WDHD1: variants seen among roughly 807,000 people sequenced by gnomAD.
WDHD1 encodes the protein WD repeat and HMG-box DNA-binding protein 1.
Under a neutral mutation model 135.4 loss-of-function variants are expected in WDHD1, and 111 were observed. The ratio of observed to expected loss-of-function variants is 0.82; its 90% confidence interval spans 0.70 to 0.96. The LOEUF (loss-of-function observed/expected upper bound fraction) is 0.96. Ranked by LOEUF, WDHD1 falls within the 40% of genes least tolerant of loss-of-function variation. The pLI, the probability that WDHD1 is intolerant of heterozygous loss-of-function variation, is 0.00. For synonymous variants in WDHD1, 434 were observed against 439.0 expected (o/e 0.99, Z 0.14); for missense variants, 1,351 against 1,336.3 (o/e 1.01, Z -0.17).
chr14:54,957,042 G>C lies in WDHD1; in HGVS notation c.2908C>G (p.Pro970Ala), dbSNP rs762020548. Residue 970 changes from proline (P) to alanine (A), a missense_variant, in exon 23 of 26, where the codon CCT (proline) becomes GCT (alanine). Physicochemically the swap from Pro to Ala is conservative, Grantham distance 27. Transcript: ENST00000360586. ...GGTAGCTGAAACAGTACCTGCTTAGGCTTCGGCTTTGGAATCAGAGGCTTT... is the reference window on the plus strand; with the variant it reads ...GGTAGCTGAAACAGTACCTGCTTAGCCTTCGGCTTTGGAATCAGAGGCTTT... ...IIKPLIPKPK[P>A]KQASAASYFQ... 2 of 1,613,704 alleles carry C rather than the reference G, an allele frequency of 1.2e-6. No individual in the cohort carries two copies. The highest frequency in any genetic ancestry group is 1.7e-6 in the Non-Finnish European group (2 of 1,179,822).
intron 24 of WDHD1, among the ~76,000 whole-genome samples, chr14:54,952,662 C>T (rs1460616520): frequency 6.6e-6 from 1 of 152,012 alleles, no homozygotes. Context: ...CATATGGAAC[C>T]AAAAAAGAGC....
chr14:55,003,348 A>G (rs1193608991), intron 7 of WDHD1, among the ~76,000 whole-genome samples: 1 of 151,784 alleles, frequency 6.6e-6, no homozygotes, highest in Non-Finnish European at 1.5e-5. Flanking sequence ...TGTCTCTACA[A>G]AAAATAAAAA....
Position 54,966,502 on chromosome 14 carries a change from T to C in WDHD1, c.2283A>G (p.Gln761=). ...ESTKNQATKE[Q]QELLMKMLAL... The stretch of plus-strand genomic sequence containing the variant: ...CAAGCATTTTCATTAAAAGTTCCTG[T>C]TGCTCTTTTGTTGCTTGATTTTTAG... Residue 761 remains glutamine (Q), a synonymous_variant, in exon 18 of 26, where the codon CAA becomes CAG. Transcript: ENST00000360586. 6.2e-7 allele frequency: 1 copy of C among 1,603,624 alleles called. No homozygotes were observed. The highest frequency in any genetic ancestry group is 8.5e-7 in the Non-Finnish European group (1 of 1,177,888).
rs1038743817 is a variant in WDHD1, at chr14:54,991,024, A to G, written c.1341+189T>C. Among the ~76,000 whole-genome samples, 6 of 152,388 alleles carry G rather than the reference A, an allele frequency of 3.9e-5. No homozygotes were observed. In the South Asian group the frequency reaches 8.3e-4, roughly 21 times the overall value. ...AATTTTATTTAACATCATTTTCAATAAGGTTGAAACAAGATTAAAACTGTG... is the reference window on the plus strand; with the variant it reads ...AATTTTATTTAACATCATTTTCAATGAGGTTGAAACAAGATTAAAACTGTG... On this transcript the variant is annotated intron_variant, in intron 12 of 25. Coordinates refer to ENST00000360586, the MANE Select transcript of WDHD1 (RefSeq NM_007086.4).
chr14:55,006,052 C>T (rs1226984558), intron 7 of WDHD1, among the ~76,000 whole-genome samples: 1 of 151,694 alleles, frequency 6.6e-6, no homozygotes, highest in East Asian at 1.9e-4. Flanking sequence ...TTTGTGGAGA[C>T]GAGGTCTTGC....
At chr14:54,952,123 T>G (rs936128881) in intron 24 of WDHD1, among the ~76,000 whole-genome samples, 2 of 152,172 alleles carry the variant, frequency 1.3e-5, no homozygotes, top group Non-Finnish European at 2.9e-5. Context: ...TTCAACATAG[T>G]GTTGGAAGTT....
chr14:54,965,986 C>A (rs2041334469), intron 18 of WDHD1, among the ~76,000 whole-genome samples: 1 of 150,290 alleles, frequency 6.7e-6, no homozygotes, highest in African/African-American at 2.4e-5. Flanking sequence ...ATTTTAACTG[C>A]AAGACCAACT....
chr14:54,948,590 C>A (rs1028580268), intron 24 of WDHD1, among the ~76,000 whole-genome samples: 6 of 152,208 alleles, frequency 3.9e-5, no homozygotes, highest in African/African-American at 9.6e-5. Context: ...CATAGCCGAA[C>A]AAAGGCAGCA....
intron 11 of WDHD1, among the ~76,000 whole-genome samples, chr14:54,991,912 T>A (rs888467432): frequency 3.9e-5 from 6 of 152,190 alleles, no homozygotes; most frequent in Non-Finnish European, 7.3e-5. Flanking sequence ...GAAGTGAGCC[T>A]ATCAATTAAG....
intron 16 of WDHD1, among the ~76,000 whole-genome samples, chr14:54,972,703 C>T (rs1406259732): frequency 6.6e-6 from 1 of 151,344 alleles, no homozygotes; most frequent in Non-Finnish European, 1.5e-5. Flanking sequence ...ACTTGTAATC[C>T]CAGATATTCA....
Position 55,013,481 on chromosome 14 carries a change from C to T in WDHD1, c.189+4G>A. 6.2e-7 allele frequency: 1 copy of T among 1,601,870 alleles called. No homozygotes were observed. The highest frequency in any genetic ancestry group is 1.3e-5 in the African/African-American group (1 of 74,752). On this transcript the variant is annotated splice_donor_region_variant and intron_variant, in intron 3 of 25. Coordinates refer to ENST00000360586, the MANE Select transcript of WDHD1 (RefSeq NM_007086.4). ...ATATCAATTGATATAACTGTTTTTACTACCTTCAAAGCACATGAATATGCC... is the reference window on the plus strand; with the variant it reads ...ATATCAATTGATATAACTGTTTTTATTACCTTCAAAGCACATGAATATGCC...
intron 7 of WDHD1, chr14:55,005,289 G>C (rs1013308525): frequency 1.8e-6 from 1 of 547,088 alleles, no homozygotes. Context: ...GCCTCTGTGA[G>C]AGGCTGGTGA....
intron 5 of WDHD1, 77 bp downstream of exon 5, chr14:55,008,531 T>G: frequency 1.4e-6 from 2 of 1,479,136 alleles, no homozygotes; most frequent in Non-Finnish European, 1.8e-6. Flanking sequence ...AGCAGAAAAT[T>G]TTTTAGAGAG....
At chr14:54,955,917 A>C (rs1478591470) in intron 23 of WDHD1, among the ~76,000 whole-genome samples, 1 of 60,490 alleles carries the variant, frequency 1.7e-5, no homozygotes, top group Admixed American at 2.2e-4. Flanking sequence ...TTTTTTTTTG[A>C]GACGGAGTCT....
chr14:55,020,719 C>A (rs1360549330), intron 2 of WDHD1, among the ~76,000 whole-genome samples: 1 of 152,140 alleles, frequency 6.6e-6, no homozygotes, highest in African/African-American at 2.4e-5. Context: ...CAGGTTCCAA[C>A]CCCTAAACAG....
At chr14:55,005,235 A>G in intron 7 of WDHD1, 2 of 539,294 alleles carry the variant, frequency 3.7e-6, no homozygotes, top group South Asian at 2.8e-5. Flanking sequence ...CACAGAGGAA[A>G]ATCTGTGTGA....
intron 24 of WDHD1, among the ~76,000 whole-genome samples, chr14:54,945,588 T>C (rs1427135078): frequency 6.6e-6 from 1 of 152,200 alleles, no homozygotes; most frequent in Non-Finnish European, 1.5e-5. Flanking sequence ...TCCCCTATGC[T>C]GGAGTACAGT....
intron 17 of WDHD1, 59 bp downstream of exon 17, chr14:54,967,221 T>C: frequency 1.6e-6 from 2 of 1,276,940 alleles, no homozygotes; most frequent in Non-Finnish European, 2.3e-6. Context: ...TTTTAAAGTG[T>C]GTGTATCACA....
At chr14:55,014,169 C>A (rs559661247) in intron 2 of WDHD1, among the ~76,000 whole-genome samples, 1 of 152,340 alleles carries the variant, frequency 6.6e-6, no homozygotes, top group South Asian at 2.1e-4. Flanking sequence ...TTATAGCTCT[C>A]TAAACCCTCC....
Sources: gnomAD v4.1 joint callset for allele counts (sites outside exome capture counted in the v4.1 genomes callset) on GRCh38, gnomAD v4.1.1 for gene constraint, MANE v1.5 for transcripts, NCBI Gene and HGNC (gene_info 2026-07-23, HGNC 2026-07-21) for gene names.